Variants in BMX observed in about 807,000 individuals in gnomAD.
The protein encoded by BMX is BMX non-receptor tyrosine kinase.
Under a neutral mutation model 59.2 loss-of-function variants are expected in BMX, and 31 were observed. The ratio of observed to expected loss-of-function variants is 0.52; its 90% confidence interval spans 0.39 to 0.71. The LOEUF (loss-of-function observed/expected upper bound fraction) is 0.71. Ranked by LOEUF, BMX falls within the 30% of genes least tolerant of loss-of-function variation. BMX has a pLI of 0.00. For missense variants in BMX, 474 were observed against 491.7 expected (o/e 0.96, Z 0.34); for synonymous variants, 185 against 181.0 (o/e 1.02, Z -0.18).
rs189794509 is a variant in BMX, at chrX:15,553,395, C to G, written c.1954-2678C>G. On this transcript the variant is annotated intron_variant, in intron 18 of 18. Transcript: ENST00000348343. ...CTCTTGGTCTTTTTTGCTGCTGTTT[C>G]GCTATTTGTCCTTACACCTAGGCCA... Among the ~76,000 whole-genome samples, 514 of 111,539 alleles carry G rather than the reference C, an allele frequency of 4.6e-3. 2 individuals carry two copies. Among genetic ancestry groups the G allele is most frequent in the South Asian group, 8.0e-3 (21 of 2,640 alleles).
chrX:15,542,944 C>G (rs1312432351), intron 15 of BMX, 127 bp from the exon 16 acceptor site: 2 of 593,828 alleles, frequency 3.4e-6, no homozygotes, highest in African/African-American at 4.5e-5. Flanking sequence ...AAAAAGACAA[C>G]TTTAGAGCAC....
chrX:15,541,856 C>T, intron 14 of BMX, 126 bp from the exon 15 acceptor site: 1 of 633,891 alleles, frequency 1.6e-6, no homozygotes, highest in Non-Finnish European at 2.5e-6. Flanking sequence ...CCCTCTCTTT[C>T]TCTGTTCAAG....
At chrX:15,539,576 G>A (rs1925553367) in intron 14 of BMX, among the ~76,000 whole-genome samples, 1 of 111,675 alleles carries the variant, frequency 9.0e-6, no homozygotes, top group African/African-American at 3.3e-5. Context: ...CAACTTGAGT[G>A]ACATGATAAG....
At chrX:15,511,362 C>CA in intron 3 of BMX, 75 bp from the exon 4 acceptor site, 1 of 885,381 alleles carries the variant, frequency 1.1e-6, no homozygotes, top group South Asian at 2.4e-5. Flanking sequence ...TTTTGGATGA[C>CA]AAAAAATTTG....
At position 15,526,117 on chromosome X, in the gene BMX, G is replaced by A. The variant is rs377742632; in HGVS notation, c.884+22G>A. 14 of 1,176,877 alleles carry A rather than the reference G, an allele frequency of 1.2e-5. No individual in the cohort carries two copies. The African/African-American group carries it at 2.1e-4, about 18-fold the overall frequency. ...ATGAGTGAGTATTGAAAGTCTTCTG[G>A]GTTCTTCTAAAATTAGACATAGATA... On this transcript the variant is annotated intron_variant, in intron 9 of 18. Transcript: ENST00000348343.
intron 18 of BMX, among the ~76,000 whole-genome samples, chrX:15,554,363 G>A (rs1926329055): frequency 9.0e-6 from 1 of 111,585 alleles, no homozygotes; most frequent in Admixed American, 9.5e-5. Context: ...CTTTCATTAT[G>A]AGGTTGAGCC....
intron 18 of BMX, among the ~76,000 whole-genome samples, chrX:15,552,009 A>C (rs1926223555): frequency 1.8e-5 from 2 of 112,152 alleles, no homozygotes; most frequent in Admixed American, 1.9e-4. Context: ...CTGTTGATCT[A>C]AGATGATTAT....
At chrX:15,525,434 G>A (rs1569223980) in intron 8 of BMX, 69 bp downstream of exon 8, 2 of 1,059,989 alleles carry the variant, frequency 1.9e-6, no homozygotes, top group East Asian at 6.1e-5. Flanking sequence ...AACCAAACTT[G>A]CAATAATTTT....
intron 16 of BMX, among the ~76,000 whole-genome samples, chrX:15,543,881 C>A (rs914464587): frequency 4.5e-5 from 5 of 111,582 alleles, no homozygotes; most frequent in Middle Eastern, 8.3e-3. Context: ...AGCCTCAGAG[C>A]AAATTTTCAT....
intron 9 of BMX, 85 bp from the exon 10 acceptor site, chrX:15,529,887 CT>C: frequency 1.1e-6 from 1 of 880,568 alleles, no homozygotes; most frequent in African/African-American, 2.0e-5. Flanking sequence ...AAGCCAATGC[CT>C]CATTTTACAG....
chrX:15,535,431 C>T (rs1158811884), intron 12 of BMX, among the ~76,000 whole-genome samples: 4 of 111,569 alleles, frequency 3.6e-5, no homozygotes, highest in Non-Finnish European at 7.5e-5. Flanking sequence ...CCCCAATTTC[C>T]TCAATTGTTT....
At chrX:15,527,275 TATATATATACAC>T (rs1569224747) in intron 9 of BMX, among the ~76,000 whole-genome samples, 49 of 44,924 alleles carry the variant, frequency 1.1e-3, no homozygotes, top group African/African-American at 4.3e-3. Flanking sequence ...TATATATATA[TATATATATACAC>T]ACACACACAC....
chrX:15,535,340 A>G (rs1268736652), intron 12 of BMX, among the ~76,000 whole-genome samples: 1 of 111,634 alleles, frequency 9.0e-6, no homozygotes, highest in Non-Finnish European at 1.9e-5. Context: ...GTGTTACTTT[A>G]TATGACTTGA....
intron 12 of BMX, among the ~76,000 whole-genome samples, chrX:15,534,972 T>C (rs150698505): frequency 9.0e-6 from 1 of 111,650 alleles, no homozygotes; most frequent in Non-Finnish European, 1.9e-5. Context: ...TCATGTCCAG[T>C]ATTTTCACAT....
intron 13 of BMX, among the ~76,000 whole-genome samples, chrX:15,536,697 A>G (rs1282752232): frequency 2.7e-5 from 3 of 110,800 alleles, no homozygotes; most frequent in South Asian, 3.9e-4. Flanking sequence ...TGTCTGTCCT[A>G]TCTTTTTCCT....
chrX:15,515,969 T>C, intron 4 of BMX, 143 bp from the exon 5 acceptor site: 1 of 777,259 alleles, frequency 1.3e-6, no homozygotes, highest in Non-Finnish European at 1.8e-6. Context: ...GAAAGACCTA[T>C]ATCCTTCCGG....
rs16979969 is a variant in BMX, at chrX:15,551,813, T to C, written c.1953+1816T>C. Reference sequence around the variant, plus strand: ...CTTTTTCTACCCCAAATGTTGACTATGGGAACTATGGATATGGACAGAGAT... The same window carrying C: ...CTTTTTCTACCCCAAATGTTGACTACGGGAACTATGGATATGGACAGAGAT... On this transcript the variant is annotated intron_variant, in intron 18 of 18. Coordinates refer to ENST00000348343, the MANE Select transcript of BMX (RefSeq NM_203281.3). Among the ~76,000 whole-genome samples, 437 of 111,029 alleles carry C rather than the reference T, an allele frequency of 3.9e-3. 2 individuals are homozygous for C. The highest frequency in any genetic ancestry group is 0.014 in the African/African-American group (418 of 30,453).
chrX:15,530,488 C>G (rs1016233569), intron 10 of BMX, among the ~76,000 whole-genome samples: 1 of 111,758 alleles, frequency 8.9e-6, no homozygotes, highest in African/African-American at 3.3e-5. Context: ...TTGAAGAGGA[C>G]GAGCCCCACA....
Position 15,543,171 on chromosome X carries a change from G to T in BMX, c.1676+36G>T, listed in dbSNP as rs1343942580. ...TCCGAAAGGGCAACCAGTGAAAGGG[G>T]GATTTCCATTCACATTTGAACACCA... On this transcript the variant is annotated intron_variant, in intron 16 of 18. Coordinates refer to ENST00000348343, the MANE Select transcript of BMX (RefSeq NM_203281.3). 6 of 1,145,041 alleles carry T rather than the reference G, an allele frequency of 5.2e-6. No individual in the cohort carries two copies. The Admixed American group carries it at 1.3e-4, about 25-fold the overall frequency. The allele number at this position is 1,145,041 out of a possible 1,213,427, so 94.4% of individuals were successfully genotyped here. A position where few individuals can be genotyped will look rare whatever the true frequency, so the allele number is the denominator to read the frequency against.
Sources: allele counts gnomAD v4.1 joint callset (sites outside exome capture counted in the v4.1 genomes callset), GRCh38; gene constraint gnomAD v4.1.1; transcripts MANE v1.5; gene names NCBI Gene and HGNC (gene_info 2026-07-23, HGNC 2026-07-21).